The following ZFHX4 variants were observed in gnomAD, a reference collection of about 807,000 sequenced individuals.
ZFHX4 encodes zinc finger homeobox protein 4.
In ZFHX4, 56 loss-of-function variants were observed where a neutral mutation model predicts 267.6. That is an observed-to-expected ratio of 0.21 (90% confidence interval 0.17 to 0.26). ZFHX4 has a LOEUF of 0.26. ZFHX4 is among the 10% of genes least tolerant of loss of function. ZFHX4 has a pLI of 1.00. For missense variants in ZFHX4, 4,332 were observed against 4,420.0 expected, an observed-to-expected ratio of 0.98 and a Z score of 0.56; for synonymous variants, 1,778 against 1,665.6, an observed-to-expected ratio of 1.07 and a Z score of -1.64.
At chr8:76,706,786 ACT>A in intron 2 of ZFHX4, 108 bp downstream of exon 2, 3 of 1,195,734 alleles carry the variant, frequency 2.5e-6, no homozygotes, top group Non-Finnish European at 3.4e-6. Context: ...AGGACAGCTT[ACT>A]AGAAAGGACT....
Position 76,854,205 on chromosome 8 carries a change from C to T in ZFHX4, c.7284C>T (p.Ala2428=). The change falls in exon 10 of 11, where the codon GCC becomes GCT. Residue 2428 remains alanine (A), a synonymous_variant. Transcript: ENST00000651372. ...PSPPSQGTKP[A]LPLASTSSDP... is the part of the protein sequence containing the mutation. Reference sequence around the variant, plus strand: ...CCCCTTCTCAAGGCACCAAACCAGCCCTGCCATTAGCATCGACTTCCTCGG... The same window carrying T: ...CCCCTTCTCAAGGCACCAAACCAGCTCTGCCATTAGCATCGACTTCCTCGG... 1 of 1,569,248 alleles carries T rather than the reference C, an allele frequency of 6.4e-7. No individual in the cohort carries two copies. The highest frequency in any genetic ancestry group is 8.6e-7 in the Non-Finnish European group (1 of 1,157,372).
In ZFHX4 at chr8:76,851,650, T is replaced by G. The variant is rs760920796; in HGVS notation, c.4729T>G (p.Ser1577Ala). The G allele has an allele frequency of 3.1e-6, 5 of 1,613,846 alleles. No homozygotes were observed. Among genetic ancestry groups the G allele is most frequent in the Non-Finnish European group, 4.2e-6 (5 of 1,179,832 alleles). Residue 1577 changes from serine (S) to alanine (A), a missense_variant, in exon 10 of 11, where the codon TCC becomes GCC. By Grantham distance (99) the Ser-to-Ala change is moderately conservative (BLOSUM62 1). This residue lies in a region of ZFHX4 where 1,371 missense variants were observed against 1,423.1 expected (regional missense o/e 0.96). Coordinates refer to ENST00000651372, the MANE Select transcript of ZFHX4 (RefSeq NM_024721.5). The stretch of plus-strand genomic sequence containing the variant: ...GCTGAAAAAAGTTTTGCAGGAAGCC[T>G]CCAGTCCTGTCCCACAAGAAACCAA... Reference protein sequence around the residue: ...HKLKKVLQEASSPVPQETNSN... With the variant: ...HKLKKVLQEAASPVPQETNSN...
At chr8:76,687,959 G>A (rs1032147877) in intron 1 of ZFHX4, among the ~76,000 whole-genome samples, 7 of 152,084 alleles carry the variant, frequency 4.6e-5, no homozygotes, top group Non-Finnish European at 7.4e-5. Flanking sequence ...TCTATGCTCC[G>A]CTCTCTCTAA....
At position 76,853,093 on chromosome 8, in the gene ZFHX4, C is replaced by T; in HGVS notation, c.6172C>T (p.Pro2058Ser). 1 of 1,482,982 alleles carries T rather than the reference C, an allele frequency of 6.7e-7. No individual in the cohort carries two copies. The highest frequency in any genetic ancestry group is 9.2e-7 in the Non-Finnish European group (1 of 1,091,658). 91.9% of individuals were successfully genotyped at this position (1,482,982 alleles called of 1,614,324 possible). ...TCCTCCTCCTCCTCCTCCCCCCCCA[C>T]CTCCTCCACCTTCTGCTCCTCCACA... ...PPPPPPPPPP[P>S]PPPSAPPQVQ... The change falls in exon 10 of 11, where the codon CCT (proline) becomes TCT (serine). Residue 2058 changes from proline (P) to serine (S), a missense_variant. Pro to Ser is a moderately conservative substitution (Grantham distance 74). Around this residue, in one of 7 missense-constraint regions of ZFHX4, gnomAD observed 1,371 missense variants for 1,423.1 expected, o/e 0.96. Transcript: ENST00000651372.
At chr8:76,698,353 C>T (rs956570691) in intron 1 of ZFHX4, among the ~76,000 whole-genome samples, 2 of 152,106 alleles carry the variant, frequency 1.3e-5, no homozygotes, top group Non-Finnish European at 2.9e-5. Flanking sequence ...TGATTCCTCT[C>T]TAAGGAAAGT....
In ZFHX4 at chr8:76,863,571, A is replaced by G. The variant is rs974235122; in HGVS notation, c.9857A>G (p.Tyr3286Cys). The part of the protein sequence containing the change: ...PQLPGTVQGG[Y>C]FPPVCGMESL... ...CTCCCTGGAACAGTGCAGGGGGGATACTTCCCACCTGTCTGTGGCATGGAG... is the reference window on the plus strand; with the variant it reads ...CTCCCTGGAACAGTGCAGGGGGGATGCTTCCCACCTGTCTGTGGCATGGAG... The change falls in exon 11 of 11, where the codon TAC becomes TGC. Residue 3286 changes from tyrosine (Y) to cysteine (C), a missense_variant. By Grantham distance (194) the Tyr-to-Cys change is radical. Around this residue, in one of 7 missense-constraint regions of ZFHX4, gnomAD observed 1,648 missense variants for 1,625.0 expected, o/e 1.01. Coordinates refer to ENST00000651372, the MANE Select transcript of ZFHX4 (RefSeq NM_024721.5). 6 of 1,613,702 alleles carry G rather than the reference A, an allele frequency of 3.7e-6. No individual in the cohort carries two copies. The highest frequency in any genetic ancestry group is 1.3e-5 in the African/African-American group (1 of 74,922).
Position 76,856,064 on chromosome 8 carries a change from A to T in ZFHX4, c.9143A>T (p.Asp3048Val). Residue 3048 changes from aspartate to valine, a missense_variant, in exon 10 of 11, where the codon GAT becomes GTT. By Grantham distance (152) the Asp-to-Val change is radical (BLOSUM62 -3). This residue lies in a region of ZFHX4 where 1,648 missense variants were observed against 1,625.0 expected (regional missense o/e 1.01). Coordinates refer to ENST00000651372, the MANE Select transcript of ZFHX4 (RefSeq NM_024721.5). ...GGCAGTCAGCTCGATCGGGAGAAAG[A>T]TTACTTGGCTCCGACCACGGTTCGG... The part of the protein sequence containing the change: ...TVGSQLDREK[D>V]YLAPTTVRQL... The T allele has an allele frequency of 1.2e-6, 2 of 1,613,988 alleles. No homozygotes were observed. Among genetic ancestry groups the T allele is most frequent in the Non-Finnish European group, 1.7e-6 (2 of 1,179,880 alleles).
In ZFHX4 at chr8:76,855,399, C is replaced by T. The variant is rs766068159; in HGVS notation, c.8478C>T (p.Thr2826=). The stretch of plus-strand genomic sequence containing the variant: ...AGGGAAACACTGAAATGGAAAGCAC[C>T]ACAGGAAGTTCCGGAGATGTGAAAC... ...GDEGNTEMES[T]TGSSGDVKPA... The change falls in exon 10 of 11, where the codon ACC becomes ACT. Residue 2826 remains threonine, a synonymous_variant. Transcript: ENST00000651372. 3.7e-6 allele frequency: 6 copies of T among 1,613,636 alleles called. No homozygotes were observed. Among genetic ancestry groups the T allele is most frequent in the Non-Finnish European group, 4.2e-6 (5 of 1,179,808 alleles).
At chr8:76,721,894 G>A (rs1433964) in intron 3 of ZFHX4, among the ~76,000 whole-genome samples, 105,673 of 152,054 alleles carry the variant, frequency 0.69, 38,981 homozygotes, top group East Asian at 0.99. Context: ...AATAGTAAGT[G>A]TATGGATGAA....
At chr8:76,857,847 T>A (rs1342179545) in intron 10 of ZFHX4, among the ~76,000 whole-genome samples, 3 of 152,296 alleles carry the variant, frequency 2.0e-5, no homozygotes, top group Non-Finnish European at 2.9e-5. Context: ...AGATTTTTTT[T>A]TTTTTTTGCA....
At chr8:76,783,362 G>T (rs1256095388) in intron 4 of ZFHX4, among the ~76,000 whole-genome samples, 1 of 151,864 alleles carries the variant, frequency 6.6e-6, no homozygotes, top group African/African-American at 2.4e-5. Flanking sequence ...TTCTGATTTT[G>T]TTTCTCCTGA....
Position 76,854,905 on chromosome 8 carries a change from A to C in ZFHX4, c.7984A>C (p.Lys2662Gln). The C allele has an allele frequency of 1.2e-6, 2 of 1,613,438 alleles. No homozygotes were observed. The highest frequency in any genetic ancestry group is 1.7e-6 in the Non-Finnish European group (2 of 1,179,484). The change falls in exon 10 of 11, where the codon AAA becomes CAA. Residue 2662 changes from lysine (K) to glutamine (Q), a missense_variant. Around this residue, in one of 7 missense-constraint regions of ZFHX4, gnomAD observed 1,648 missense variants for 1,625.0 expected, o/e 1.01. Coordinates refer to ENST00000651372, the MANE Select transcript of ZFHX4 (RefSeq NM_024721.5). ...WFQNTRARER[K>Q]GQFRAVGPAQ... is the part of the protein sequence containing the mutation. ...CCAGAATACACGAGCGCGGGAGAGG[A>C]AAGGCCAGTTCCGGGCGGTGGGTCC...
intron 3 of ZFHX4, among the ~76,000 whole-genome samples, chr8:76,754,993 A>G (rs1387895835): frequency 6.6e-6 from 1 of 152,222 alleles, no homozygotes; most frequent in Non-Finnish European, 1.5e-5. Flanking sequence ...GCCTATTTAC[A>G]TAATACCATC....
intron 1 of ZFHX4, among the ~76,000 whole-genome samples, chr8:76,688,165 A>C (rs967362434): frequency 3.3e-5 from 5 of 152,210 alleles, no homozygotes; most frequent in Non-Finnish European, 7.4e-5. Context: ...ATTGGGTATC[A>C]GGAATTCCCA....
intron 1 of ZFHX4, among the ~76,000 whole-genome samples, chr8:76,701,739 A>C (rs1026500682): frequency 1.3e-5 from 2 of 152,140 alleles, no homozygotes; most frequent in African/African-American, 4.8e-5. Context: ...CATAGCTTAG[A>C]AACTTTTTTA....
chr8:76,700,472 A>T (rs1214622333), intron 1 of ZFHX4, among the ~76,000 whole-genome samples: 1 of 152,024 alleles, frequency 6.6e-6, no homozygotes, highest in African/African-American at 2.4e-5. Context: ...TCTAATGGGA[A>T]CTCTGCTTTC....
At chr8:76,762,228 G>A (rs1002123505) in intron 3 of ZFHX4, among the ~76,000 whole-genome samples, 2 of 152,102 alleles carry the variant, frequency 1.3e-5, no homozygotes, top group Non-Finnish European at 2.9e-5. Context: ...GCCTCTTGGA[G>A]ATTATAGGAA....
intron 1 of ZFHX4, among the ~76,000 whole-genome samples, chr8:76,702,963 G>GAC (rs33934020): frequency 0.1 from 14,747 of 147,566 alleles, 693 homozygotes; most frequent in East Asian, 0.12. Context: ...TCTCAGGCAA[G>GAC]ACACACACAC....
intron 3 of ZFHX4, among the ~76,000 whole-genome samples, chr8:76,731,856 CATT>C (rs76950838): frequency 0.11 from 15,312 of 143,730 alleles, 1,465 homozygotes; most frequent in African/African-American, 0.26. Context: ...TGGTGCCACA[CATT>C]ATTATTATTA....
Sources: allele counts gnomAD v4.1 joint callset (sites outside exome capture counted in the v4.1 genomes callset), GRCh38; gene constraint gnomAD v4.1.1; regional missense constraint gnomAD v4.1.1; transcripts MANE v1.5; gene names NCBI Gene and HGNC (gene_info 2026-07-23, HGNC 2026-07-21).